The following NUP88 variants were observed in gnomAD, a reference collection of about 807,000 sequenced individuals.
NUP88 encodes the protein nuclear pore complex protein Nup88.
Under a neutral mutation model 93.9 loss-of-function variants are expected in NUP88, and 57 were observed. The observed-to-expected ratio is 0.61, with a 90% confidence interval of 0.49 to 0.76. The LOEUF (loss-of-function observed/expected upper bound fraction) is 0.76. NUP88 is among the 30% of genes least tolerant of loss of function. The pLI is 0.00. For synonymous variants in NUP88, 346 were observed against 336.8 expected (o/e 1.03, Z -0.30); for missense variants, 911 against 901.0 (o/e 1.01, Z -0.14).
chr17:5,402,751 C>G (rs1399764316), intron 7 of NUP88, among the ~76,000 whole-genome samples: 1 of 152,156 alleles, frequency 6.6e-6, no homozygotes, highest in Non-Finnish European at 1.5e-5. Flanking sequence ...CACCTGTGGA[C>G]CAGCACTTTG....
At position 5,414,378 on chromosome 17, in the gene NUP88, A is replaced by G. The variant is rs570210952; in HGVS notation, c.468-244T>C. On this transcript the variant is annotated intron_variant, in intron 2 of 16. Transcript: ENST00000573584. ...GCCCAGCGAACTTTGTATTTTCAGT[A>G]GAGAGGGGGTTTCTCCATGTTGGTC... Among the ~76,000 whole-genome samples, 5 of 151,916 alleles carry G rather than the reference A, an allele frequency of 3.3e-5. No homozygotes were observed. In the South Asian group the frequency reaches 1.0e-3, roughly 32 times the overall value.
intron 5 of NUP88, among the ~76,000 whole-genome samples, chr17:5,406,776 AAAGAAAAG>A (rs1913519794): frequency 6.6e-6 from 1 of 152,082 alleles, no homozygotes; most frequent in African/African-American, 2.4e-5. Flanking sequence ...AAAAAAAAGA[AAAGAAAAG>A]AAAATCGCAA....
At chr17:5,391,461 C>A (rs1912411103) in intron 10 of NUP88, 100 bp downstream of exon 10, 2 of 884,188 alleles carry the variant, frequency 2.3e-6, no homozygotes, top group African/African-American at 3.3e-5. Flanking sequence ...AAGTATAAAC[C>A]ACACATGTAT....
chr17:5,410,898 C>T, intron 3 of NUP88, 109 bp from the exon 4 acceptor site: 1 of 714,712 alleles, frequency 1.4e-6, no homozygotes, highest in African/African-American at 1.8e-5. Context: ...TAACACTTAT[C>T]ACAACTATTT....
chr17:5,405,865 G>C (rs76013913), intron 5 of NUP88, among the ~76,000 whole-genome samples: 6 of 152,088 alleles, frequency 3.9e-5, no homozygotes, highest in South Asian at 2.1e-4. Flanking sequence ...TTAAATATTG[G>C]TGTTCTCCAG....
chr17:5,397,844 ATTTT>A (rs79561286), intron 8 of NUP88, among the ~76,000 whole-genome samples: 3 of 151,758 alleles, frequency 2.0e-5, no homozygotes, highest in African/African-American at 4.8e-5. Flanking sequence ...AGGCTGCTAG[ATTTT>A]TTTTAACTGC....
At chr17:5,414,802 C>CCT (rs78436200) in intron 2 of NUP88, among the ~76,000 whole-genome samples, 3,737 of 150,204 alleles carry the variant, frequency 0.025, 151 homozygotes, top group African/African-American at 0.086. Context: ...GCCTGTAACC[C>CCT]GTTACCCGTG....
chr17:5,419,246 C>T, intron 1 of NUP88, 108 bp downstream of exon 1: 5 of 1,294,908 alleles, frequency 3.9e-6, no homozygotes, highest in Non-Finnish European at 5.1e-6. Context: ...CGGAGTCAAT[C>T]CGCTGGAACG....
In NUP88 at chr17:5,405,371, A is replaced by G; in HGVS notation, c.858-128T>C. 5 of 707,452 alleles carry G rather than the reference A, an allele frequency of 7.1e-6. No individual in the cohort carries two copies. The South Asian group carries it at 1.1e-4, about 15-fold the overall frequency. 43.8% of individuals were successfully genotyped at this position (707,452 alleles called of 1,614,324 possible). ...ATTATAAATGTAGTGTATTCCCAAT[A>G]CTCCATCTTCTCGCTTTCCCACTCA... On this transcript the variant is annotated intron_variant, in intron 5 of 16. Coordinates refer to ENST00000573584, the MANE Select transcript of NUP88 (RefSeq NM_002532.6).
chr17:5,407,763 C>T (rs1437230861), intron 5 of NUP88, among the ~76,000 whole-genome samples: 4 of 152,192 alleles, frequency 2.6e-5, no homozygotes, highest in Admixed American at 6.5e-5. Context: ...CTGTTCATGG[C>T]ATACTCCCTT....
chr17:5,395,938 G>A (rs753721611), intron 8 of NUP88, among the ~76,000 whole-genome samples: 35 of 152,266 alleles, frequency 2.3e-4, no homozygotes, highest in Admixed American at 2.6e-4. Flanking sequence ...GGCAGGGTGC[G>A]GTGGCTCATG....
intron 6 of NUP88, among the ~76,000 whole-genome samples, 171 bp from the exon 7 acceptor site, chr17:5,404,417 A>G (rs1341747439): frequency 1.3e-5 from 2 of 152,180 alleles, no homozygotes; most frequent in African/African-American, 4.8e-5. Context: ...GTTCGAGACC[A>G]GCCTGGCCAA....
intron 9 of NUP88, among the ~76,000 whole-genome samples, chr17:5,392,376 C>T (rs954882000): frequency 6.6e-5 from 10 of 152,184 alleles, no homozygotes; most frequent in Non-Finnish European, 1.5e-4. Context: ...ATATAATGTC[C>T]AGTTCCCCTT....
At chr17:5,390,721 A>G (rs186066171) in intron 10 of NUP88, among the ~76,000 whole-genome samples, 9 of 151,930 alleles carry the variant, frequency 5.9e-5, no homozygotes, top group African/African-American at 1.9e-4. Context: ...TTTTTTTAAA[A>G]GACACAGGGT....
At chr17:5,412,196 G>A (rs1913878354) in intron 3 of NUP88, among the ~76,000 whole-genome samples, 1 of 152,100 alleles carries the variant, frequency 6.6e-6, no homozygotes, top group Non-Finnish European at 1.5e-5. Context: ...TTCCATCATA[G>A]CATATAAAAG....
rs1913352948 is a variant in NUP88, at chr17:5,404,264, G to GT, written c.1045-19dup. ...TTTTCTGACTGTAAAAAAAAGTGTTGTAATTTTGATCTTGCATGTTAATTT... is the reference window on the plus strand; with the variant it reads ...TTTTCTGACTGTAAAAAAAAGTGTTGTTAATTTTGATCTTGCATGTTAATTT... On this transcript the variant is annotated intron_variant, in intron 6 of 16. Transcript: ENST00000573584. The GT allele has an allele frequency of 1.2e-6, 2 of 1,609,948 alleles. No homozygotes were observed. Among genetic ancestry groups the GT allele is most frequent in the South Asian group, 2.2e-5 (2 of 90,246 alleles).
intron 6 of NUP88, among the ~76,000 whole-genome samples, chr17:5,404,606 C>A (rs895570387): frequency 1.3e-5 from 2 of 152,010 alleles, no homozygotes; most frequent in African/African-American, 4.8e-5. Context: ...AAGAGCGAAA[C>A]TCTGTCTCCA....
At chr17:5,415,748 A>C (rs1328803982) in intron 2 of NUP88, among the ~76,000 whole-genome samples, 1 of 152,154 alleles carries the variant, frequency 6.6e-6, no homozygotes, top group African/African-American at 2.4e-5. Context: ...TTCAACTTAC[A>C]CTGGGTTTAT....
intron 3 of NUP88, among the ~76,000 whole-genome samples, chr17:5,411,573 T>C (rs1337905457): frequency 6.9e-5 from 8 of 116,196 alleles, no homozygotes; most frequent in Non-Finnish European, 1.2e-4. Flanking sequence ...AGAGCGAGAC[T>C]CCATTTCAAA....
Sources: allele counts gnomAD v4.1 joint callset (sites outside exome capture counted in the v4.1 genomes callset), GRCh38; gene constraint gnomAD v4.1.1; transcripts MANE v1.5; gene names NCBI Gene and HGNC (gene_info 2026-07-23, HGNC 2026-07-21).